Variants in LOC128092252 observed in about 807,000 individuals in gnomAD.
the LOC128092252 span, among the ~76,000 whole-genome samples, chr15:50,672,898 C>CAAAAAAAA: frequency 9.9e-4 from 26 of 26,218 alleles, 1 homozygote; most frequent in African/African-American, 3.0e-3. Context: ...GACTCTGTCT[C>CAAAAAAAA]AAAAAAAAAA....
chr15:50,669,111 G>C, the LOC128092252 span, among the ~76,000 whole-genome samples: 1 of 152,042 alleles, frequency 6.6e-6, no homozygotes, highest in Non-Finnish European at 1.5e-5. Flanking sequence ...AATACATAAA[G>C]GTATTTGAGG....
the LOC128092252 span, among the ~76,000 whole-genome samples, chr15:50,685,481 A>C: frequency 6.6e-6 from 1 of 152,218 alleles, no homozygotes; most frequent in South Asian, 2.1e-4. Context: ...AAAAAGAATA[A>C]GGTGGAAAAT....
chr15:50,678,426 C>G, the LOC128092252 span, among the ~76,000 whole-genome samples: 1 of 150,624 alleles, frequency 6.6e-6, no homozygotes, highest in Admixed American at 6.6e-5. Context: ...TAAGCTGGCA[C>G]TCTCTGACTT....
the LOC128092252 span, chr15:50,686,517 C>G: frequency 1.9e-6 from 3 of 1,613,790 alleles, no homozygotes; most frequent in South Asian, 3.3e-5. Flanking sequence ...CCCGGGCCTG[C>G]GTGGGTCCAG....
the LOC128092252 span, among the ~76,000 whole-genome samples, chr15:50,656,419 A>G: frequency 2.6e-4 from 39 of 152,140 alleles, no homozygotes; most frequent in African/African-American, 8.7e-4. Context: ...CCCGGCTCCA[A>G]TGATGTTCCT....
chr15:50,680,189 G>A, the LOC128092252 span, among the ~76,000 whole-genome samples: 1 of 151,868 alleles, frequency 6.6e-6, no homozygotes, highest in Non-Finnish European at 1.5e-5. Context: ...AGCTGAGATT[G>A]TGCCACTGCA....
At chr15:50,663,566 T>C in the LOC128092252 span, among the ~76,000 whole-genome samples, 12 of 152,202 alleles carry the variant, frequency 7.9e-5, no homozygotes, top group African/African-American at 2.4e-4. Flanking sequence ...ACTGTGTAGA[T>C]ACTATTGCTT....
chr15:50,650,346 CA>C, the LOC128092252 span, among the ~76,000 whole-genome samples: 3 of 151,794 alleles, frequency 2.0e-5, no homozygotes, highest in African/African-American at 7.3e-5. Flanking sequence ...TCATAACACA[CA>C]AGGCTTATGA....
At chr15:50,656,082 A>G in the LOC128092252 span, among the ~76,000 whole-genome samples, 4 of 152,274 alleles carry the variant, frequency 2.6e-5, no homozygotes, top group African/African-American at 9.6e-5. Context: ...CATTCTTCAA[A>G]CATGAAAATA....
the LOC128092252 span, chr15:50,648,935 T>TG: frequency 7.0e-7 from 1 of 1,435,100 alleles, no homozygotes; most frequent in African/African-American, 1.4e-5. Context: ...TTAGAGTTAA[T>TG]GAAAAAATGG....
chr15:50,683,985 G>A, the LOC128092252 span, among the ~76,000 whole-genome samples: 2 of 151,278 alleles, frequency 1.3e-5, no homozygotes, highest in African/African-American at 2.4e-5. Context: ...TCAGCCTCAC[G>A]AGTAGCTGGG....
At chr15:50,671,268 T>C in the LOC128092252 span, among the ~76,000 whole-genome samples, 1 of 152,078 alleles carries the variant, frequency 6.6e-6, no homozygotes, top group Non-Finnish European at 1.5e-5. Flanking sequence ...CTTTTATCAG[T>C]TCAATTTTTT....
At chr15:50,669,478 A>G in the LOC128092252 span, among the ~76,000 whole-genome samples, 1 of 152,174 alleles carries the variant, frequency 6.6e-6, no homozygotes, top group African/African-American at 2.4e-5. Flanking sequence ...CTCGGTTTTA[A>G]AAGTCTTATC....
chr15:50,650,269 G>A, the LOC128092252 span, among the ~76,000 whole-genome samples: 21 of 146,352 alleles, frequency 1.4e-4, 1 homozygote, highest in South Asian at 8.7e-4. Flanking sequence ...AGCAATAGCC[G>A]AAACAATTTC....
the LOC128092252 span, among the ~76,000 whole-genome samples, chr15:50,655,578 A>G: frequency 6.7e-6 from 1 of 148,290 alleles, no homozygotes; most frequent in Non-Finnish European, 1.5e-5. Context: ...AAAGGAATAG[A>G]AAAAAAAAAT....
At chr15:50,652,656 G>A in the LOC128092252 span, among the ~76,000 whole-genome samples, 3 of 151,398 alleles carry the variant, frequency 2.0e-5, no homozygotes, top group African/African-American at 4.9e-5. Flanking sequence ...CAAAAAAATC[G>A]TTTAAGTGGG....
chr15:50,663,194 T>C, the LOC128092252 span: 2 of 618,436 alleles, frequency 3.2e-6, no homozygotes, highest in Non-Finnish European at 5.5e-6. Context: ...AATGGTGTGA[T>C]CTTGGCTCAC....
the LOC128092252 span, among the ~76,000 whole-genome samples, chr15:50,679,161 C>T: frequency 2.9e-5 from 4 of 137,052 alleles, no homozygotes; most frequent in African/African-American, 8.8e-5. Flanking sequence ...CATTAACCAC[C>T]GCACCCAGTC....
chr15:50,675,667 A>T, the LOC128092252 span, among the ~76,000 whole-genome samples: 1 of 152,196 alleles, frequency 6.6e-6, no homozygotes. Context: ...TACATATAAA[A>T]ATCCTAGTTT....
Sources: gnomAD v4.1 joint callset for allele counts (sites outside exome capture counted in the v4.1 genomes callset) on GRCh38, gnomAD v4.1.1 for gene constraint, MANE v1.5 for transcripts.